Variants in SLC7A1 observed in about 807,000 individuals in gnomAD.
The protein encoded by SLC7A1 is solute carrier family 7 member 1.
Under a neutral mutation model 53.9 loss-of-function variants are expected in SLC7A1, and 10 were observed. The observed-to-expected ratio is 0.19, with a 90% CI of 0.11 to 0.31. SLC7A1 has a LOEUF of 0.31. Among genes scored for constraint, SLC7A1 ranks in the 10% least tolerant of loss-of-function variants. The pLI, the probability that SLC7A1 is intolerant of heterozygous loss-of-function variation, is 1.00. For synonymous variants in SLC7A1, 342 were observed against 338.7 expected, an observed-to-expected ratio of 1.01 and a Z score of -0.11; for missense variants, 525 against 827.2, an observed-to-expected ratio of 0.63 and a Z score of 4.48.
At chr13:29,551,681 G>A (rs1212829651) in intron 2 of SLC7A1, among the ~76,000 whole-genome samples, 1 of 152,170 alleles carries the variant, frequency 6.6e-6, no homozygotes, top group Non-Finnish European at 1.5e-5. Context: ...GGGCGGCGCG[G>A]GGAAGAATGC....
Position 29,530,656 on chromosome 13 carries a change from T to C in SLC7A1, c.586A>G (p.Ile196Val), listed in dbSNP as rs374583318. Residue 196 changes from isoleucine to valine, a missense_variant, in exon 5 of 13, where the codon ATT becomes GTT. Around this residue, in one of 4 missense-constraint regions of SLC7A1, gnomAD observed 354 missense variants for 587.5 expected, o/e 0.60. Coordinates refer to ENST00000380752, the MANE Select transcript of SLC7A1 (RefSeq NM_003045.5). Reference sequence around the variant, plus strand: ...ATGAAGCCCAGGACCAGGACGTTAATACAAGTGAATATTTTGTTGACCATG... The same window carrying C: ...ATGAAGCCCAGGACCAGGACGTTAACACAAGTGAATATTTTGTTGACCATG... ...SAMVNKIFTC[I>V]NVLVLGFIMV... The C allele has an allele frequency of 6.2e-7, 1 of 1,614,158 alleles. No individual in the cohort carries two copies. The highest frequency in any genetic ancestry group is 2.2e-5 in the East Asian group (1 of 44,886).
chr13:29,585,170 T>G lies in SLC7A1; in HGVS notation c.-115+10246A>C, dbSNP rs74585053. On this transcript the variant is annotated intron_variant, in intron 1 of 12. Transcript: ENST00000380752. ...TCTTGGGCATCATCACAGAGAATAA[T>G]GTCCCCTTCAGTCAGAAACTCCTAA... Among the ~76,000 whole-genome samples the G allele has an allele frequency of 7.2e-5, 11 of 152,254 alleles. 1 individual carries two copies. In the South Asian group the frequency reaches 2.3e-3, roughly 32 times the overall value.
intron 1 of SLC7A1, among the ~76,000 whole-genome samples, chr13:29,559,980 G>A (rs752506377): frequency 6.6e-6 from 1 of 152,170 alleles, no homozygotes; most frequent in Non-Finnish European, 1.5e-5. Context: ...CTCCCAAAGT[G>A]CTGGGATTAC....
At chr13:29,514,659 C>G in intron 12 of SLC7A1, 76 bp from the exon 13 acceptor site, 1 of 1,147,552 alleles carries the variant, frequency 8.7e-7, no homozygotes, top group African/African-American at 1.5e-5. Context: ...GAGCCCAGGG[C>G]GGTCCCACAG....
intron 2 of SLC7A1, among the ~76,000 whole-genome samples, chr13:29,546,152 T>G (rs1869913129): frequency 6.6e-6 from 1 of 152,140 alleles, no homozygotes; most frequent in Admixed American, 6.5e-5. Flanking sequence ...AGGGAGACTC[T>G]CCACTGCCTC....
At chr13:29,546,729 C>G (rs1869938280) in intron 2 of SLC7A1, among the ~76,000 whole-genome samples, 1 of 152,112 alleles carries the variant, frequency 6.6e-6, no homozygotes, top group African/African-American at 2.4e-5. Flanking sequence ...GTGAAAAAAA[C>G]TTGGAACTCC....
intron 2 of SLC7A1, among the ~76,000 whole-genome samples, chr13:29,541,050 G>A (rs1869641657): frequency 6.6e-6 from 1 of 152,124 alleles, no homozygotes; most frequent in Non-Finnish European, 1.5e-5. Context: ...TGAGTGAGCT[G>A]CAGCCACAGG....
chr13:29,524,804 C>T (rs1055513772), intron 5 of SLC7A1, among the ~76,000 whole-genome samples: 2 of 152,194 alleles, frequency 1.3e-5, no homozygotes, highest in Admixed American at 6.5e-5. Flanking sequence ...GTGTGGGGCC[C>T]GGGCACAGCT....
At chr13:29,536,620 A>G (rs1869432563) in intron 2 of SLC7A1, among the ~76,000 whole-genome samples, 1 of 152,220 alleles carries the variant, frequency 6.6e-6, no homozygotes, top group Non-Finnish European at 1.5e-5. Flanking sequence ...AAACCAAACC[A>G]TATCTTAATT....
intron 1 of SLC7A1, among the ~76,000 whole-genome samples, chr13:29,590,911 C>T (rs951547866): frequency 4.6e-5 from 7 of 152,022 alleles, no homozygotes; most frequent in Non-Finnish European, 7.4e-5. Flanking sequence ...TGAGACCAGC[C>T]TGGGCAACAT....
At chr13:29,587,690 C>T (rs776586743) in intron 1 of SLC7A1, among the ~76,000 whole-genome samples, 4 of 152,168 alleles carry the variant, frequency 2.6e-5, no homozygotes, top group South Asian at 2.1e-4. Context: ...TATTTATTAA[C>T]GATCTCCACC....
At chr13:29,556,500 C>T (rs931476637) in intron 1 of SLC7A1, among the ~76,000 whole-genome samples, 1 of 152,098 alleles carries the variant, frequency 6.6e-6, no homozygotes, top group African/African-American at 2.4e-5. Flanking sequence ...CACATCAGCC[C>T]CCCAAGTAGC....
At chr13:29,542,182 C>A (rs550248069) in intron 2 of SLC7A1, among the ~76,000 whole-genome samples, 1 of 152,202 alleles carries the variant, frequency 6.6e-6, no homozygotes, top group Non-Finnish European at 1.5e-5. Flanking sequence ...CGGCCAGGCG[C>A]GGTGGCTCAC....
intron 1 of SLC7A1, among the ~76,000 whole-genome samples, chr13:29,593,442 C>G (rs909272127): frequency 6.6e-6 from 1 of 152,134 alleles, no homozygotes; most frequent in Non-Finnish European, 1.5e-5. Context: ...GAGATAACTC[C>G]GAGACTCAAG....
chr13:29,584,106 T>TA (rs1470031195), intron 1 of SLC7A1, among the ~76,000 whole-genome samples: 1 of 145,190 alleles, frequency 6.9e-6, no homozygotes, highest in Non-Finnish European at 1.5e-5. Flanking sequence ...GTAATATTTG[T>TA]AACTTTTTTT....
Position 29,551,874 on chromosome 13 carries a change from C to T in SLC7A1, c.-15+1887G>A, listed in dbSNP as rs577479789. On this transcript the variant is annotated intron_variant, in intron 2 of 12. Coordinates refer to ENST00000380752, the MANE Select transcript of SLC7A1 (RefSeq NM_003045.5). ...ACCCACCGCCTTTGGGAAGGTGCACCTGGTAATTCTGCACCTTTGTTTCTG... is the reference window on the plus strand; with the variant it reads ...ACCCACCGCCTTTGGGAAGGTGCACTTGGTAATTCTGCACCTTTGTTTCTG... Among the ~76,000 whole-genome samples the T allele has an allele frequency of 3.9e-5, 6 of 152,274 alleles. No homozygotes were observed. The South Asian group carries it at 1.2e-3, about 32-fold the overall frequency.
chr13:29,577,556 C>G (rs1402335107), intron 1 of SLC7A1, among the ~76,000 whole-genome samples: 1 of 152,194 alleles, frequency 6.6e-6, no homozygotes, highest in Non-Finnish European at 1.5e-5. Flanking sequence ...ACAGGGAAAT[C>G]TGAAATTTGT....
chr13:29,551,640 TC>T (rs1436792881), intron 2 of SLC7A1, among the ~76,000 whole-genome samples: 1 of 152,142 alleles, frequency 6.6e-6, no homozygotes, highest in Non-Finnish European at 1.5e-5. Context: ...TCTAAAATAG[TC>T]TGTTAAGACA....
chr13:29,524,572 C>T (rs1868797101), intron 5 of SLC7A1, among the ~76,000 whole-genome samples: 1 of 152,192 alleles, frequency 6.6e-6, no homozygotes, highest in Non-Finnish European at 1.5e-5. Flanking sequence ...AGAAACCAGC[C>T]ACGCGGCCAG....
Sources: gnomAD v4.1 joint callset for allele counts (sites outside exome capture counted in the v4.1 genomes callset) on GRCh38, gnomAD v4.1.1 for gene constraint, gnomAD v4.1.1 regional missense constraint, MANE v1.5 for transcripts, NCBI Gene and HGNC (gene_info 2026-07-23, HGNC 2026-07-21) for gene names.